RAD50: variants seen among roughly 807,000 people sequenced by gnomAD.
RAD50 encodes the protein DNA repair protein RAD50.
Under a neutral mutation model 168.8 loss-of-function variants are expected in RAD50, and 132 were observed. The ratio of observed to expected loss-of-function variants is 0.78; its 90% CI spans 0.68 to 0.90. The LOEUF is 0.90. RAD50 is among the 40% of genes least tolerant of loss of function. The pLI, the probability that RAD50 is intolerant of heterozygous loss-of-function variation, is 0.00. For synonymous variants in RAD50, 525 were observed against 497.4 expected (o/e 1.06, Z -0.74); for missense variants, 1,347 against 1,534.4 (o/e 0.88, Z 2.04).
intron 21 of RAD50, among the ~76,000 whole-genome samples, chr5:132,625,147 C>T (rs1188734538): frequency 1.4e-5 from 2 of 148,022 alleles, no homozygotes; most frequent in East Asian, 2.0e-4. Flanking sequence ...AGTGCAGTGG[C>T]GGGATCTCGG....
Position 132,592,038 on chromosome 5 carries a change from A to C in RAD50, c.1793+4A>C, listed in dbSNP as rs863224738. On this transcript the variant is annotated splice_donor_region_variant and intron_variant, in intron 11 of 24. Transcript: ENST00000378823. Reference sequence around the variant, plus strand: ...GGGACAGACTTGCCAAATTGAAGTAAGTTGCAACATTTGGAGATGTAATAG... The same window carrying C: ...GGGACAGACTTGCCAAATTGAAGTACGTTGCAACATTTGGAGATGTAATAG... 6.2e-7 allele frequency: 1 copy of C among 1,607,370 alleles called. No individual in the cohort carries two copies. The highest frequency in any genetic ancestry group is 8.5e-7 in the Non-Finnish European group (1 of 1,174,228).
At chr5:132,617,894 G>A (rs984755021) in intron 20 of RAD50, among the ~76,000 whole-genome samples, 176 bp from the exon 21 acceptor site, 4 of 152,194 alleles carry the variant, frequency 2.6e-5, no homozygotes, top group African/African-American at 9.6e-5. Flanking sequence ...GGAAGGAAGA[G>A]AGGGGTTTTC....
chr5:132,579,940 A>G lies in RAD50; in HGVS notation c.630A>G (p.Leu210=), dbSNP rs374597425. 5.0e-6 allele frequency: 8 copies of G among 1,611,846 alleles called. No individual in the cohort carries two copies. In the African/African-American group the frequency reaches 5.3e-5, roughly 11 times the overall value. Residue 210 remains leucine (L), a synonymous_variant, in exon 5 of 25, where the codon CTA becomes CTG. Coordinates refer to ENST00000378823, the MANE Select transcript of RAD50 (RefSeq NM_005732.4). ...GQKVKEYQME[L]KYLKQYKEKA... The stretch of plus-strand genomic sequence containing the variant: ...AAGTAAAAGAATATCAAATGGAACT[A>G]AAATATCTGAAGCAATATAAGGAAA...
At chr5:132,613,431 T>C (rs1751121585) in intron 19 of RAD50, among the ~76,000 whole-genome samples, 1 of 152,032 alleles carries the variant, frequency 6.6e-6, no homozygotes, top group South Asian at 2.1e-4. Flanking sequence ...GCATCTGATT[T>C]TTTTTCCCTT....
chr5:132,601,232 A>G (rs1413492776), intron 13 of RAD50, among the ~76,000 whole-genome samples: 1 of 152,144 alleles, frequency 6.6e-6, no homozygotes, highest in East Asian at 1.9e-4. Context: ...TCCTGACCTC[A>G]GGTGATTCAC....
chr5:132,593,373 A>C (rs554430750), intron 11 of RAD50: 1 of 152,602 alleles, frequency 6.6e-6, no homozygotes, highest in Non-Finnish European at 1.5e-5. Flanking sequence ...AACTTCATGC[A>C]TAGTTTTTTT....
intron 5 of RAD50, among the ~76,000 whole-genome samples, chr5:132,583,387 AAT>A (rs1230771032): frequency 6.6e-6 from 1 of 152,078 alleles, no homozygotes; most frequent in East Asian, 1.9e-4. Context: ...ATTAAGGTAT[AAT>A]ATATATATGG....
At chr5:132,635,384 C>A (rs1357799656) in intron 21 of RAD50, among the ~76,000 whole-genome samples, 1 of 152,198 alleles carries the variant, frequency 6.6e-6, no homozygotes, top group Non-Finnish European at 1.5e-5. Context: ...TAGTCATCCC[C>A]ATCTCTTACA....
intron 9 of RAD50, among the ~76,000 whole-genome samples, chr5:132,590,744 T>C (rs1009132205): frequency 6.6e-6 from 1 of 152,224 alleles, no homozygotes; most frequent in Non-Finnish European, 1.5e-5. Flanking sequence ...TTATTTTTGC[T>C]CCATAACTCA....
rs145428061 is a variant in RAD50 at position 132,575,589 on chromosome 5, A to G, written c.214-188A>G. Among the ~76,000 whole-genome samples, 733 of 152,360 alleles carry G rather than the reference A, an allele frequency of 4.8e-3. 2 individuals carry two copies. The highest frequency in any genetic ancestry group is 7.8e-3 in the Non-Finnish European group (533 of 68,026). ...ATGCTGAATAAAGGAGGTAGATAGT[A>G]TATCATTTTTGTAAATTAATTAAAC... is the stretch of plus-strand genomic sequence containing the variant. On this transcript the variant is annotated intron_variant, in intron 2 of 24. Coordinates refer to ENST00000378823, the MANE Select transcript of RAD50 (RefSeq NM_005732.4).
chr5:132,634,230 T>A (rs1457022120), intron 21 of RAD50, among the ~76,000 whole-genome samples: 1 of 152,298 alleles, frequency 6.6e-6, no homozygotes, highest in East Asian at 1.9e-4. Flanking sequence ...TGCTCAATCA[T>A]TTCCTTTTAT....
chr5:132,578,403 C>T (rs1750437731), intron 3 of RAD50, among the ~76,000 whole-genome samples: 2 of 152,122 alleles, frequency 1.3e-5, no homozygotes, highest in African/African-American at 4.8e-5. Flanking sequence ...CCATTCTAGT[C>T]CTAGTCCAAG....
Position 132,644,134 on chromosome 5 carries a change from A to G in RAD50, c.*1770A>G, listed in dbSNP as rs893507982. ...CAAAGAATAACAAAGGCAATACACG[A>G]TCAATATAGGCAGTGAAACAAAAGT... is the stretch of plus-strand genomic sequence containing the variant. On this transcript the variant is annotated 3_prime_UTR_variant, in exon 25 of 25. Coordinates refer to ENST00000378823, the MANE Select transcript of RAD50 (RefSeq NM_005732.4). 2.1e-5 allele frequency: 4 copies of G among 187,206 alleles called. No individual in the cohort carries two copies. The highest frequency in any genetic ancestry group is 4.5e-5 in the Non-Finnish European group (4 of 88,816). 11.6% of individuals were successfully genotyped at this position (187,206 alleles called of 1,614,324 possible).
At chr5:132,570,303 A>G (rs140799454) in intron 2 of RAD50, among the ~76,000 whole-genome samples, 66 of 152,348 alleles carry the variant, frequency 4.3e-4, no homozygotes, top group Non-Finnish European at 7.9e-4. Context: ...AAAGCCCCTT[A>G]TACTAGAACC....
At chr5:132,580,180 ATTAC>A in intron 5 of RAD50, 114 bp downstream of exon 5, 1 of 840,404 alleles carries the variant, frequency 1.2e-6, no homozygotes. Flanking sequence ...TTTAACGTTC[ATTAC>A]TTCAATTTTT....
At position 132,589,925 on chromosome 5, in the gene RAD50, T is replaced by G. The variant is rs1580993646; in HGVS notation, c.1452+88T>G. 3 of 1,217,144 alleles carry G rather than the reference T, an allele frequency of 2.5e-6. No individual in the cohort carries two copies. In the East Asian group the frequency reaches 7.8e-5, roughly 31 times the overall value. 75.4% of individuals were successfully genotyped at this position (1,217,144 alleles called of 1,614,324 possible). A position where few individuals can be genotyped will look rare whatever the true frequency, so the allele number is the denominator to read the frequency against. ...TATTTTTGATCCTAAGATTATAGCA[T>G]TTTAATAAAAACATCAACTTTGTCT... is the stretch of plus-strand genomic sequence containing the variant. On this transcript the variant is annotated intron_variant, in intron 9 of 24. Transcript: ENST00000378823.
chr5:132,590,719 A>G (rs1156379639), intron 9 of RAD50, among the ~76,000 whole-genome samples: 2 of 152,184 alleles, frequency 1.3e-5, no homozygotes, highest in Admixed American at 6.5e-5. Flanking sequence ...CCATCTTGAT[A>G]ATTTATGTAA....
intron 7 of RAD50, 137 bp downstream of exon 7, chr5:132,588,226 A>C (rs2149840774): frequency 9.5e-7 from 1 of 1,053,798 alleles, no homozygotes. Flanking sequence ...TTCCATTTAT[A>C]TAACATTTTT....
intron 3 of RAD50, among the ~76,000 whole-genome samples, chr5:132,576,599 G>T (rs899319886): frequency 4.6e-5 from 7 of 152,174 alleles, no homozygotes; most frequent in Non-Finnish European, 1.0e-4. Flanking sequence ...TTCTCAAGCA[G>T]GTTTTCATCA....
Sources: gnomAD v4.1 joint callset for allele counts (sites outside exome capture counted in the v4.1 genomes callset) on GRCh38, gnomAD v4.1.1 for gene constraint, MANE v1.5 for transcripts, NCBI Gene and HGNC (gene_info 2026-07-23, HGNC 2026-07-21) for gene names.